The following GRID1 variants were observed in gnomAD, a reference collection of about 807,000 sequenced individuals.
GRID1 encodes the protein glutamate ionotropic receptor delta type subunit 1.
A neutral mutation model predicts 98.0 loss-of-function variants in GRID1; 28 were observed. The ratio of observed to expected loss-of-function variants is 0.29; its 90% CI spans 0.21 to 0.39. The LOEUF (loss-of-function observed/expected upper bound fraction) is 0.39. GRID1 is among the 10% of genes least tolerant of loss of function. GRID1 has a pLI of 1.00. For synonymous variants in GRID1, 553 were observed against 538.5 expected, an observed-to-expected ratio of 1.03 and a Z score of -0.37; for missense variants, 1,111 against 1,340.5, an observed-to-expected ratio of 0.83 and a Z score of 2.67.
Position 85,608,844 on chromosome 10 carries a change from C to T in GRID1, c.2601+4563G>A, listed in dbSNP as rs149327874. ...TGTTCCATGGCTTCTCACTGGAGGC[C>T]GTGGGCTGAAACATGCACACTCACT... On this transcript the variant is annotated intron_variant, in intron 15 of 15. Transcript: ENST00000327946. Among the ~76,000 whole-genome samples the T allele has an allele frequency of 5.9e-5, 9 of 152,292 alleles. No homozygotes were observed. The East Asian group carries it at 1.2e-3, about 20-fold the overall frequency.
chr10:85,880,686 G>A (rs1425907205), intron 5 of GRID1, among the ~76,000 whole-genome samples: 2 of 151,804 alleles, frequency 1.3e-5, no homozygotes, highest in Admixed American at 6.6e-5. Context: ...GGCAAAAACT[G>A]GAAGCATTCC....
intron 2 of GRID1, among the ~76,000 whole-genome samples, chr10:86,328,876 G>GGACCCCC (rs1361033168): frequency 1.3e-5 from 2 of 151,614 alleles, no homozygotes; most frequent in Non-Finnish European, 2.9e-5. Context: ...GGCCCTCCCA[G>GGACCCCC]GACCCCCGGG....
intron 2 of GRID1, among the ~76,000 whole-genome samples, chr10:86,276,765 C>T (rs2607835): frequency 0.04 from 6,034 of 152,228 alleles, 236 homozygotes; most frequent in Admixed American, 0.11. Context: ...GCTGGGATTA[C>T]AGGCGTGAGC....
At chr10:86,234,439 G>A (rs1348068808) in intron 2 of GRID1, among the ~76,000 whole-genome samples, 1 of 152,244 alleles carries the variant, frequency 6.6e-6, no homozygotes, top group Admixed American at 6.5e-5. Flanking sequence ...ACACACGGAA[G>A]GGTCTGCACC....
chr10:85,987,016 T>G (rs1842615849), intron 4 of GRID1, among the ~76,000 whole-genome samples: 1 of 152,004 alleles, frequency 6.6e-6, no homozygotes, highest in Non-Finnish European at 1.5e-5. Context: ...GAGTCAGGAC[T>G]TTCCTGCCCC....
chr10:86,364,666 A>G (rs1198072223), intron 1 of GRID1, among the ~76,000 whole-genome samples: 1 of 152,200 alleles, frequency 6.6e-6, no homozygotes, highest in Non-Finnish European at 1.5e-5. Context: ...TGCAGCTTGG[A>G]TGACTGTGAC....
intron 2 of GRID1, among the ~76,000 whole-genome samples, chr10:86,306,136 C>T (rs1847755825): frequency 6.6e-6 from 1 of 152,194 alleles, no homozygotes; most frequent in African/African-American, 2.4e-5. Context: ...CCATCAAAAC[C>T]CTTTAGTCAA....
rs1051295864 is a variant in GRID1 at position 86,068,168 on chromosome 10, A to T, written c.726+70651T>A. Among the ~76,000 whole-genome samples, 5 of 152,234 alleles carry T rather than the reference A, an allele frequency of 3.3e-5. No homozygotes were observed. The East Asian group carries it at 9.6e-4, about 29-fold the overall frequency. ...AGGAAACTGAGGCTCGGAATGGGAC[A>T]GTGACTTGGCCAAGGTCACATGGCT... On this transcript the variant is annotated intron_variant, in intron 4 of 15. Coordinates refer to ENST00000327946, the MANE Select transcript of GRID1 (RefSeq NM_017551.3).
chr10:86,280,265 T>G (rs547778423), intron 2 of GRID1, among the ~76,000 whole-genome samples: 8 of 152,228 alleles, frequency 5.3e-5, no homozygotes, highest in African/African-American at 1.9e-4. Flanking sequence ...TTTAAAATTT[T>G]AAAAATATGA....
chr10:85,859,229 T>C (rs1342038581), intron 6 of GRID1, among the ~76,000 whole-genome samples: 1 of 152,218 alleles, frequency 6.6e-6, no homozygotes, highest in Non-Finnish European at 1.5e-5. Context: ...ACATAGCTGG[T>C]GCTTAATGTA....
intron 10 of GRID1, among the ~76,000 whole-genome samples, chr10:85,725,006 T>C (rs903761719): frequency 6.6e-5 from 10 of 152,200 alleles, no homozygotes; most frequent in African/African-American, 2.4e-4. Flanking sequence ...ATCTTCTTTT[T>C]ATTTTCCCTA....
intron 5 of GRID1, among the ~76,000 whole-genome samples, chr10:85,908,165 G>C (rs778313495): frequency 2.6e-5 from 4 of 152,132 alleles, no homozygotes; most frequent in Non-Finnish European, 5.9e-5. Context: ...TATTGAACTG[G>C]AGGTACTAAT....
intron 2 of GRID1, among the ~76,000 whole-genome samples, chr10:86,254,354 G>A (rs1404439536): frequency 2.0e-5 from 3 of 152,138 alleles, no homozygotes; most frequent in Admixed American, 2.0e-4. Context: ...TTCTCAAAGT[G>A]GGGTCCCCAG....
At chr10:85,617,167 C>T (rs1842799755) in intron 14 of GRID1, among the ~76,000 whole-genome samples, 1 of 152,110 alleles carries the variant, frequency 6.6e-6, no homozygotes, top group Non-Finnish European at 1.5e-5. Flanking sequence ...CAGGACCTAT[C>T]CCTTCATTCC....
chr10:85,696,288 A>G (rs1841392072), intron 12 of GRID1, among the ~76,000 whole-genome samples: 1 of 152,142 alleles, frequency 6.6e-6, no homozygotes, highest in East Asian at 1.9e-4. Flanking sequence ...AAATAAAAGT[A>G]TAGGGTCTAT....
intron 2 of GRID1, among the ~76,000 whole-genome samples, chr10:86,279,737 T>C (rs1202091793): frequency 6.6e-6 from 1 of 152,198 alleles, no homozygotes; most frequent in Admixed American, 6.5e-5. Flanking sequence ...TTTACAAGAA[T>C]TTCCAGCCAT....
intron 12 of GRID1, among the ~76,000 whole-genome samples, chr10:85,705,225 A>G (rs1841501841): frequency 6.6e-6 from 1 of 152,206 alleles, no homozygotes; most frequent in African/African-American, 2.4e-5. Context: ...ACTCCTAGCA[A>G]GACTAATAAA....
intron 12 of GRID1, among the ~76,000 whole-genome samples, chr10:85,700,612 G>A (rs1841440169): frequency 6.6e-6 from 1 of 152,150 alleles, no homozygotes; most frequent in Non-Finnish European, 1.5e-5. Flanking sequence ...TGACTCTGCT[G>A]TCATCATTAT....
intron 2 of GRID1, among the ~76,000 whole-genome samples, chr10:86,271,421 GA>G (rs1260139422): frequency 3.3e-5 from 5 of 151,978 alleles, no homozygotes; most frequent in African/African-American, 1.2e-4. Context: ...AGAGAAGCAG[GA>G]AAAAAATTTA....
Sources: allele counts gnomAD v4.1 joint callset (sites outside exome capture counted in the v4.1 genomes callset), GRCh38; gene constraint gnomAD v4.1.1; transcripts MANE v1.5; gene names NCBI Gene and HGNC (gene_info 2026-07-23, HGNC 2026-07-21).